The following NBEA variants were observed in gnomAD, a reference collection of about 807,000 sequenced individuals.
The protein encoded by NBEA is lysosomal-trafficking regulator 2.
NBEA carries 44 observed loss-of-function variants against 343.4 expected under a neutral mutation model. The observed-to-expected ratio is 0.13, with a 90% CI of 0.10 to 0.16. NBEA has a LOEUF of 0.16. Among genes scored for constraint, NBEA ranks in the 10% least tolerant of loss-of-function variants. The pLI is 1.00. For missense variants in NBEA, 2,555 were observed against 3,631.3 expected (o/e 0.70, Z 7.62); for synonymous variants, 1,175 against 1,238.7 (o/e 0.95, Z 1.08).
rs75549124 is a variant in NBEA at position 35,163,620 on chromosome 13, A to G, written c.4080-736A>G. Among the ~76,000 whole-genome samples the G allele has an allele frequency of 3.3e-5, 5 of 149,318 alleles. No individual in the cohort carries two copies. The East Asian group carries it at 9.7e-4, about 29-fold the overall frequency. Reference sequence around the variant, plus strand: ...GGTGACAGCAGAGATCCTTTCTCAAAAAAAAAAAAAAAATTATATTCTTGA... The same window carrying G: ...GGTGACAGCAGAGATCCTTTCTCAAGAAAAAAAAAAAAATTATATTCTTGA... On this transcript the variant is annotated intron_variant, in intron 23 of 58. Coordinates refer to ENST00000379939, the MANE Select transcript of NBEA (RefSeq NM_001385012.1).
At chr13:35,353,313 T>C (rs575616597) in intron 38 of NBEA, among the ~76,000 whole-genome samples, 37 of 152,196 alleles carry the variant, frequency 2.4e-4, no homozygotes, top group African/African-American at 8.7e-4. Flanking sequence ...CGGGCACCTG[T>C]AATCCTAGCT....
At chr13:35,578,223 C>CT (rs1478975792) in intron 45 of NBEA, among the ~76,000 whole-genome samples, 24 of 152,288 alleles carry the variant, frequency 1.6e-4, no homozygotes, top group African/African-American at 5.5e-4. Context: ...TAGCCACTGA[C>CT]TAGCAACATG....
At position 35,654,741 on chromosome 13, in the gene NBEA, T is replaced by TA. The variant is rs938143017; in HGVS notation, c.8036-107dup. 5.9e-5 allele frequency: 47 copies of TA among 801,758 alleles called. No individual in the cohort carries two copies. The African/African-American group carries it at 7.3e-4, about 12-fold the overall frequency. 49.7% of individuals were successfully genotyped at this position (801,758 alleles called of 1,614,324 possible). A position where few individuals can be genotyped will look rare whatever the true frequency, so the allele number is the denominator to read the frequency against. ...GAGAATCTTAATAATCTCATACCAT[T>TA]AAAAAAACTATTTCTGGATAAATGA... On this transcript the variant is annotated intron_variant, in intron 53 of 58. Transcript: ENST00000379939.
chr13:35,250,463 T>C (rs1353431191), intron 34 of NBEA, among the ~76,000 whole-genome samples: 2 of 152,156 alleles, frequency 1.3e-5, no homozygotes, highest in Admixed American at 1.3e-4. Context: ...TCATAAATGG[T>C]TAATAAAGCC....
At chr13:35,066,477 T>G (rs1446357364) in intron 8 of NBEA, among the ~76,000 whole-genome samples, 1 of 152,176 alleles carries the variant, frequency 6.6e-6, no homozygotes, top group Non-Finnish European at 1.5e-5. Context: ...TGCTTTGTTG[T>G]TGGGTGCACA....
intron 1 of NBEA, among the ~76,000 whole-genome samples, chr13:34,946,364 C>T (rs1199342927): frequency 6.6e-6 from 1 of 151,976 alleles, no homozygotes; most frequent in East Asian, 1.9e-4. Context: ...AAGCTTTATC[C>T]ATATTTGAAG....
chr13:35,125,924 G>A (rs770949748), intron 17 of NBEA, among the ~76,000 whole-genome samples: 27 of 152,194 alleles, frequency 1.8e-4, no homozygotes, highest in Non-Finnish European at 3.5e-4. Flanking sequence ...GGAGGCTTAC[G>A]CAGGAGGATT....
chr13:35,225,559 C>T (rs980064900), intron 33 of NBEA, among the ~76,000 whole-genome samples: 5 of 152,150 alleles, frequency 3.3e-5, no homozygotes, highest in African/African-American at 1.2e-4. Context: ...CAATTTTTCT[C>T]CTGAATACTG....
At chr13:35,450,862 T>A (rs1001067917) in intron 39 of NBEA, among the ~76,000 whole-genome samples, 1 of 152,192 alleles carries the variant, frequency 6.6e-6, no homozygotes, top group African/African-American at 2.4e-5. Flanking sequence ...ATTTCATGTC[T>A]GTGGTGTTTG....
chr13:35,140,958 G>A (rs2068056130), intron 17 of NBEA, among the ~76,000 whole-genome samples: 1 of 152,170 alleles, frequency 6.6e-6, no homozygotes, highest in Admixed American at 6.5e-5. Context: ...TGTGGATTCT[G>A]TGTTGCTGGC....
At chr13:35,036,794 C>A (rs1365628739) in intron 1 of NBEA, among the ~76,000 whole-genome samples, 1 of 152,012 alleles carries the variant, frequency 6.6e-6, no homozygotes, top group Non-Finnish European at 1.5e-5. Context: ...TTTGTATGTT[C>A]TTGTTTCTTT....
Position 35,667,543 on chromosome 13 carries a change from T to C in NBEA, c.8634T>C (p.Ala2878=). ...TCAGCATTAATGGGAAACTTTTGGC[T>C]CAAATGGAGATCAATGATTCAACAC... ...SNFSINGKLL[A]QMEINDSTRA... is the part of the protein sequence containing the mutation. Residue 2878 remains alanine (A), a synonymous_variant, in exon 57 of 59, where the codon GCT becomes GCC. Coordinates refer to ENST00000379939, the MANE Select transcript of NBEA (RefSeq NM_001385012.1). 1 of 1,614,034 alleles carries C rather than the reference T, an allele frequency of 6.2e-7. No homozygotes were observed. Among genetic ancestry groups the C allele is most frequent in the Non-Finnish European group, 8.5e-7 (1 of 1,179,888 alleles).
At chr13:35,298,211 GTATATATATATA>G (rs72309538) in intron 35 of NBEA, among the ~76,000 whole-genome samples, 8,484 of 102,908 alleles carry the variant, frequency 0.082, 488 homozygotes, top group African/African-American at 0.2. Context: ...GTGTGTGTGT[GTATATATATATA>G]TATATATATA....
intron 18 of NBEA, among the ~76,000 whole-genome samples, chr13:35,149,000 A>C (rs2068605812): frequency 6.6e-6 from 1 of 152,180 alleles, no homozygotes; most frequent in Non-Finnish European, 1.5e-5. Flanking sequence ...TTTATCAGTA[A>C]ATTTAAGAGT....
chr13:35,503,871 C>T (rs895195702), intron 41 of NBEA, among the ~76,000 whole-genome samples: 3 of 152,004 alleles, frequency 2.0e-5, no homozygotes, highest in African/African-American at 7.2e-5. Flanking sequence ...TTTCTTCGTG[C>T]TCTATAGCTT....
intron 24 of NBEA, among the ~76,000 whole-genome samples, chr13:35,167,255 G>A (rs752946338): frequency 6.6e-6 from 1 of 151,894 alleles, no homozygotes; most frequent in Non-Finnish European, 1.5e-5. Flanking sequence ...AATATTTTTT[G>A]TCTGCTGTTT....
intron 35 of NBEA, among the ~76,000 whole-genome samples, chr13:35,294,286 G>A (rs772462953): frequency 6.0e-5 from 9 of 149,932 alleles, no homozygotes; most frequent in Non-Finnish European, 1.3e-4. Context: ...GAACATTTAC[G>A]TTTTTCATTT....
chr13:35,187,984 C>T (rs1364075642), intron 30 of NBEA, among the ~76,000 whole-genome samples: 1 of 152,048 alleles, frequency 6.6e-6, no homozygotes, highest in Non-Finnish European at 1.5e-5. Context: ...TTCAGGTCAC[C>T]TCCTCCGAGA....
At chr13:35,265,460 A>C (rs1038361268) in intron 34 of NBEA, among the ~76,000 whole-genome samples, 5 of 151,966 alleles carry the variant, frequency 3.3e-5, no homozygotes, top group African/African-American at 1.2e-4. Context: ...GCTGACTGCA[A>C]AACATACTAC....
Sources: gnomAD v4.1 joint callset for allele counts (sites outside exome capture counted in the v4.1 genomes callset) on GRCh38, gnomAD v4.1.1 for gene constraint, MANE v1.5 for transcripts, NCBI Gene and HGNC (gene_info 2026-07-23, HGNC 2026-07-21) for gene names.